PARD3B: variants seen among roughly 807,000 people sequenced by gnomAD.
The protein encoded by PARD3B is partitioning defective 3 homolog B.
A neutral mutation model predicts 130.2 loss-of-function variants in PARD3B; 103 were observed. The ratio of observed to expected loss-of-function variants is 0.79; its 90% CI spans 0.67 to 0.93. The LOEUF is 0.93. Among genes scored for constraint, PARD3B ranks in the 40% least tolerant of loss-of-function variants. The pLI is 0.00. For missense variants in PARD3B, 1,609 were observed against 1,499.2 expected (o/e 1.07, Z -1.21); for synonymous variants, 583 against 553.2 (o/e 1.05, Z -0.76).
At chr2:205,380,995 GAATA>G (rs2045391928) in intron 18 of PARD3B, among the ~76,000 whole-genome samples, 1 of 83,634 alleles carries the variant, frequency 1.2e-5, no homozygotes. Flanking sequence ...AATATCTAAA[GAATA>G]TATATAATAT....
chr2:205,584,569 T>C lies in PARD3B; in HGVS notation c.3261-30887T>C, dbSNP rs1163679059. The stretch of plus-strand genomic sequence containing the variant: ...GGCGGGTGCCTGTAATCCCAGCTAC[T>C]CGGGAGGCTGAGGCAGGAGAATCGC... On this transcript the variant is annotated intron_variant, in intron 22 of 22. Coordinates refer to ENST00000406610, the MANE Select transcript of PARD3B (RefSeq NM_001302769.2). The surrounding 1 kb of genome is among the most constrained non-coding windows in gnomAD (Gnocchi z 5.5). Among the ~76,000 whole-genome samples the C allele has an allele frequency of 6.6e-6, 1 of 151,916 alleles. No individual in the cohort carries two copies. The highest frequency in any genetic ancestry group is 2.4e-5 in the African/African-American group (1 of 41,350).
intron 15 of PARD3B, among the ~76,000 whole-genome samples, chr2:205,205,953 G>A (rs2037269305): frequency 6.6e-6 from 1 of 152,088 alleles, no homozygotes; most frequent in Non-Finnish European, 1.5e-5. Context: ...GGATGATGCT[G>A]GCCTCATAAC....
At chr2:205,345,053 C>T (rs2043699373) in intron 18 of PARD3B, among the ~76,000 whole-genome samples, 1 of 152,042 alleles carries the variant, frequency 6.6e-6, no homozygotes, top group Non-Finnish European at 1.5e-5. Context: ...TTTGGTTTTG[C>T]AAAGGAGAAA....
At chr2:204,704,852 G>A (rs2038061084) in intron 2 of PARD3B, among the ~76,000 whole-genome samples, 1 of 151,396 alleles carries the variant, frequency 6.6e-6, no homozygotes, top group African/African-American at 2.5e-5. Flanking sequence ...TTCATGCTTG[G>A]TAAGATTCCA....
At chr2:205,139,144 C>A (rs2032735129) in intron 10 of PARD3B, among the ~76,000 whole-genome samples, 1 of 151,786 alleles carries the variant, frequency 6.6e-6, no homozygotes, top group African/African-American at 2.4e-5. Flanking sequence ...GCACTCTTGG[C>A]TAAGAGAGAA....
chr2:204,666,126 G>T (rs975489889), intron 1 of PARD3B, among the ~76,000 whole-genome samples: 1 of 152,156 alleles, frequency 6.6e-6, no homozygotes, highest in Non-Finnish European at 1.5e-5. Context: ...GCTCTCAAGT[G>T]GGGGAGTAAA....
In PARD3B at chr2:204,577,938, G is replaced by A. The variant is rs73984238; in HGVS notation, c.120+31819G>A. ...TTTAGATCAGTGGCCCTCGTTGGGG[G>A]TGGCTTTGTCCCCTAGGACATTGTG... is the stretch of plus-strand genomic sequence containing the variant. On this transcript the variant is annotated intron_variant, in intron 1 of 22. Transcript: ENST00000406610. Among the ~76,000 whole-genome samples, 510 of 152,244 alleles carry A rather than the reference G, an allele frequency of 3.3e-3. 3 individuals are homozygous for A. Among genetic ancestry groups the A allele is most frequent in the African/African-American group, 0.012 (491 of 41,532 alleles).
chr2:205,156,370 A>G (rs1171991964), intron 10 of PARD3B, among the ~76,000 whole-genome samples: 3 of 151,830 alleles, frequency 2.0e-5, no homozygotes, highest in Non-Finnish European at 4.4e-5. Flanking sequence ...TATGTAACTA[A>G]CCTGCACATT....
At chr2:204,676,876 G>A (rs1393042829) in intron 1 of PARD3B, among the ~76,000 whole-genome samples, 1 of 152,020 alleles carries the variant, frequency 6.6e-6, no homozygotes, top group South Asian at 2.1e-4. Flanking sequence ...CACCATGTTG[G>A]TCAGGGTGGT....
At chr2:205,306,193 C>G (rs1302350267) in intron 18 of PARD3B, among the ~76,000 whole-genome samples, 1 of 152,184 alleles carries the variant, frequency 6.6e-6, no homozygotes, top group Non-Finnish European at 1.5e-5. Context: ...AATGGATTCT[C>G]TCTGGGGAGC....
intron 18 of PARD3B, among the ~76,000 whole-genome samples, chr2:205,382,682 A>G (rs966946655): frequency 6.6e-6 from 1 of 152,022 alleles, no homozygotes; most frequent in Non-Finnish European, 1.5e-5. Flanking sequence ...ATTCTTATCT[A>G]AGGAAGAACT....
At chr2:205,505,032 C>T (rs2050299697) in intron 21 of PARD3B, among the ~76,000 whole-genome samples, 1 of 152,282 alleles carries the variant, frequency 6.6e-6, no homozygotes, top group East Asian at 1.9e-4. Flanking sequence ...AAATGTGGCA[C>T]ATATACACCA....
At position 205,187,794 on chromosome 2, in the gene PARD3B, T is replaced by A. The variant is rs956458420; in HGVS notation, c.2024+1931T>A. On this transcript the variant is annotated intron_variant, in intron 14 of 22. Coordinates refer to ENST00000406610, the MANE Select transcript of PARD3B (RefSeq NM_001302769.2). The surrounding 1 kb of genome is among the most constrained non-coding windows in gnomAD (Gnocchi z 4.9). ...CATCTTCTTTTCACGTCTTCCTTCC[T>A]AGTCCCGTGTGTTTTAGGCCTCTGT... 6.6e-6 allele frequency among the ~76,000 whole-genome samples: 1 copy of A among 152,214 alleles called. No individual in the cohort carries two copies. The highest frequency in any genetic ancestry group is 1.5e-5 in the Non-Finnish European group (1 of 68,042).
At chr2:204,616,351 AT>A (rs2034112844) in intron 1 of PARD3B, among the ~76,000 whole-genome samples, 1 of 152,218 alleles carries the variant, frequency 6.6e-6, no homozygotes, top group Non-Finnish European at 1.5e-5. Context: ...CAGATGGTAA[AT>A]AAGCACATGA....
chr2:205,296,698 TTC>T (rs1160181234), intron 16 of PARD3B, among the ~76,000 whole-genome samples: 1 of 148,636 alleles, frequency 6.7e-6, no homozygotes, highest in Non-Finnish European at 1.5e-5. Context: ...TGTGTGTGTG[TTC>T]ATTCTTTTCA....
intron 2 of PARD3B, among the ~76,000 whole-genome samples, chr2:204,960,819 C>A (rs1325859667): frequency 4.6e-5 from 7 of 152,060 alleles, no homozygotes; most frequent in African/African-American, 1.7e-4. Context: ...GTGATGCTGA[C>A]AGGATGATAC....
intron 2 of PARD3B, among the ~76,000 whole-genome samples, chr2:204,743,821 A>G (rs973699992): frequency 6.6e-6 from 1 of 152,150 alleles, no homozygotes; most frequent in Non-Finnish European, 1.5e-5. Flanking sequence ...AATGCTACTC[A>G]GCCAGTGGAT....
In PARD3B at chr2:204,734,796, G is replaced by A. The variant is rs137924400; in HGVS notation, c.222+48514G>A. On this transcript the variant is annotated intron_variant, in intron 2 of 22. Coordinates refer to ENST00000406610, the MANE Select transcript of PARD3B (RefSeq NM_001302769.2). Reference sequence around the variant, plus strand: ...GAGGGAAATTTTGGGTAGTGGAAGTGTTTCTGTATCTTCATCGTGGTGATG... The same window carrying A: ...GAGGGAAATTTTGGGTAGTGGAAGTATTTCTGTATCTTCATCGTGGTGATG... Among the ~76,000 whole-genome samples the A allele has an allele frequency of 1.8e-4, 27 of 152,202 alleles. No individual in the cohort carries two copies. In the East Asian group the frequency reaches 5.0e-3, roughly 28 times the overall value.
At position 205,300,617 on chromosome 2, in the gene PARD3B, G is replaced by A. The variant is rs1223515519; in HGVS notation, c.2273G>A (p.Arg758Lys). ...ESLQTAVAEV[R>K]KNDLPFHRPR... ...CTGCAGACTGCAGTGGCCGAGGTCA[G>A]GAAGAATGACCTTCCCTTTCACAGG... Residue 758 changes from arginine (R) to lysine (K), a missense_variant, in exon 17 of 23, where the codon AGG becomes AAG. By Grantham distance (26) the Arg-to-Lys change is conservative (BLOSUM62 2). Transcript: ENST00000406610. This position sits in a 1 kb window ranked among gnomAD's most constrained non-coding sequence, Gnocchi z 4.1. The A allele has an allele frequency of 1.2e-6, 2 of 1,613,844 alleles. No homozygotes were observed. Among genetic ancestry groups the A allele is most frequent in the African/African-American group, 1.3e-5 (1 of 74,942 alleles).
Sources: gnomAD v4.1 joint callset for allele counts (sites outside exome capture counted in the v4.1 genomes callset) on GRCh38, gnomAD v4.1.1 for gene constraint, Gnocchi (gnomAD v3.1) non-coding constraint, MANE v1.5 for transcripts, NCBI Gene and HGNC (gene_info 2026-07-23, HGNC 2026-07-21) for gene names.